SMAD1: variants seen among roughly 807,000 people sequenced by gnomAD.
The protein encoded by SMAD1 is MAD, mothers against decapentaplegic homolog 1.
Under a neutral mutation model 41.6 loss-of-function variants are expected in SMAD1, and 6 were observed. The ratio of observed to expected loss-of-function variants is 0.14; its 90% CI spans 0.08 to 0.28. SMAD1 has a LOEUF of 0.28. Among genes scored for constraint, SMAD1 ranks in the 10% least tolerant of loss-of-function variants. The pLI is 1.00. For missense variants in SMAD1, 379 were observed against 582.6 expected (o/e 0.65, Z 3.60); for synonymous variants, 206 against 203.2 (o/e 1.01, Z -0.12).
At chr4:145,521,963 T>C (rs1730764678) in intron 2 of SMAD1, among the ~76,000 whole-genome samples, 1 of 151,656 alleles carries the variant, frequency 6.6e-6, no homozygotes, top group Admixed American at 6.6e-5. Flanking sequence ...CACTTTTCAT[T>C]TTGTCACACA....
intron 1 of SMAD1, among the ~76,000 whole-genome samples, chr4:145,492,794 C>A (rs1578738236): frequency 6.6e-6 from 1 of 152,186 alleles, no homozygotes; most frequent in East Asian, 1.9e-4. Context: ...TTTGGAGTCT[C>A]CAAGGATTTT....
intron 2 of SMAD1, among the ~76,000 whole-genome samples, chr4:145,515,249 A>G (rs1490852325): frequency 1.3e-5 from 2 of 151,650 alleles, no homozygotes; most frequent in Non-Finnish European, 1.5e-5. Context: ...TCTAGTTAAC[A>G]TTATGTCTTG....
At chr4:145,519,511 G>A (rs145779601) in intron 2 of SMAD1, among the ~76,000 whole-genome samples, 111 of 148,144 alleles carry the variant, frequency 7.5e-4, no homozygotes, top group African/African-American at 2.7e-3. Flanking sequence ...TTTAATTAGC[G>A]AGGCATGGTG....
intron 5 of SMAD1, among the ~76,000 whole-genome samples, chr4:145,548,344 T>G (rs1732368824): frequency 6.6e-6 from 1 of 152,100 alleles, no homozygotes; most frequent in African/African-American, 2.4e-5. Context: ...TTCTTGTGCC[T>G]CAGCCTCCTC....
At chr4:145,536,752 C>T (rs1228155475) in intron 2 of SMAD1, among the ~76,000 whole-genome samples, 1 of 152,144 alleles carries the variant, frequency 6.6e-6, no homozygotes, top group Non-Finnish European at 1.5e-5. Context: ...GATATTTACA[C>T]AGTCTCGTGG....
At chr4:145,499,590 G>A (rs1393721201) in intron 1 of SMAD1, among the ~76,000 whole-genome samples, 1 of 152,130 alleles carries the variant, frequency 6.6e-6, no homozygotes, top group African/African-American at 2.4e-5. Context: ...ACTCCAGCGT[G>A]GGCAACAGAG....
chr4:145,545,320 A>G (rs2126529820), intron 4 of SMAD1: 1 of 152,358 alleles, frequency 6.6e-6, no homozygotes, highest in Non-Finnish European at 1.5e-5. Flanking sequence ...CTAGATGAAT[A>G]GTATTTTGAA....
intron 2 of SMAD1, among the ~76,000 whole-genome samples, chr4:145,516,035 A>G (rs952425091): frequency 1.3e-5 from 2 of 152,230 alleles, no homozygotes; most frequent in Non-Finnish European, 2.9e-5. Flanking sequence ...TATTTTAAAA[A>G]AAGATTTTAA....
At chr4:145,540,205 C>A in intron 3 of SMAD1, 144 bp downstream of exon 3, 1 of 891,022 alleles carries the variant, frequency 1.1e-6, no homozygotes, top group Non-Finnish European at 1.7e-6. Flanking sequence ...TAGGATACAA[C>A]TTTTGGTGAA....
At chr4:145,531,701 T>TAAC (rs1294058217) in intron 2 of SMAD1, among the ~76,000 whole-genome samples, 1 of 152,110 alleles carries the variant, frequency 6.6e-6, no homozygotes, top group African/African-American at 2.4e-5. Context: ...GTCACAAAGG[T>TAAC]GGTTACGGGA....
In SMAD1 at chr4:145,558,588, G is replaced by A. The variant is rs1732972343; in HGVS notation, c.*654G>A. Among the ~76,000 whole-genome samples, 1 of 152,090 alleles carries A rather than the reference G, an allele frequency of 6.6e-6. No homozygotes were observed. The highest frequency in any genetic ancestry group is 1.5e-5 in the Non-Finnish European group (1 of 68,014). The stretch of plus-strand genomic sequence containing the variant: ...ATTGATTAGACTAGTGAATTTAGGA[G>A]TATTTGAGGTGGGTGGGGGGAAGAG... On this transcript the variant is annotated 3_prime_UTR_variant, in exon 7 of 7. Coordinates refer to ENST00000302085, the MANE Select transcript of SMAD1 (RefSeq NM_005900.3).
upstream of SMAD1, among the ~76,000 whole-genome samples, chr4:145,480,917 ATTTTTTT>A (rs5862738): frequency 1.6e-5 from 2 of 128,724 alleles, no homozygotes; most frequent in African/African-American, 2.9e-5. Context: ...GCTGGGAGTG[ATTTTTTT>A]TTTTTTTTTT....
At chr4:145,483,544 T>C (rs1728311323) in intron 1 of SMAD1, among the ~76,000 whole-genome samples, 1 of 152,238 alleles carries the variant, frequency 6.6e-6, no homozygotes, top group Non-Finnish European at 1.5e-5. Flanking sequence ...GGTATAAATA[T>C]TGTTGCATCA....
chr4:145,524,895 C>T (rs1160966376), intron 2 of SMAD1, among the ~76,000 whole-genome samples: 1 of 151,980 alleles, frequency 6.6e-6, no homozygotes, highest in Admixed American at 6.6e-5. Flanking sequence ...CCAATGTTTC[C>T]AAGACTAGCT....
intron 2 of SMAD1, among the ~76,000 whole-genome samples, chr4:145,521,159 C>T (rs997058284): frequency 6.6e-6 from 1 of 152,172 alleles, no homozygotes; most frequent in African/African-American, 2.4e-5. Context: ...CCTTCAGAAT[C>T]AGGGCTACTT....
chr4:145,534,403 T>A (rs984002885), intron 2 of SMAD1, among the ~76,000 whole-genome samples: 2 of 152,156 alleles, frequency 1.3e-5, no homozygotes, highest in African/African-American at 4.8e-5. Context: ...TATTAATAAC[T>A]TTTTTTACCG....
At position 145,558,093 on chromosome 4, in the gene SMAD1, AAC is replaced by A. The variant is rs113928313; in HGVS notation, c.*168_*169del. 2,979 of 398,606 alleles carry A rather than the reference AAC, an allele frequency of 7.5e-3. 60 individuals are homozygous for A. Among genetic ancestry groups the A allele is most frequent in the African/African-American group, 0.044 (2,137 of 48,984 alleles). 24.7% of individuals were successfully genotyped at this position (398,606 alleles called of 1,614,324 possible). A position where few individuals can be genotyped will look rare whatever the true frequency, so the allele number is the denominator to read the frequency against. ...AGAAATTTAAACAAAAAAAAAAAAA[AAC>A]ACACACACCTTGGTAACATACTGTT... On this transcript the variant is annotated 3_prime_UTR_variant, in exon 7 of 7. Coordinates refer to ENST00000302085, the MANE Select transcript of SMAD1 (RefSeq NM_005900.3).
intron 4 of SMAD1, chr4:145,545,891 T>C (rs1027054158): frequency 3.9e-5 from 6 of 152,216 alleles, no homozygotes; most frequent in African/African-American, 1.4e-4. Context: ...TTTAGAACCA[T>C]GTTCTGTTTG....
At chr4:145,486,602 A>G (rs1728490847) in intron 1 of SMAD1, among the ~76,000 whole-genome samples, 1 of 152,200 alleles carries the variant, frequency 6.6e-6, no homozygotes, top group Non-Finnish European at 1.5e-5. Flanking sequence ...ATGGTGAGTT[A>G]ATGTGTACAC....
Sources: allele counts gnomAD v4.1 joint callset (sites outside exome capture counted in the v4.1 genomes callset), GRCh38; gene constraint gnomAD v4.1.1; transcripts MANE v1.5; gene names NCBI Gene and HGNC (gene_info 2026-07-23, HGNC 2026-07-21).